Variants in PRSS56 observed in about 807,000 individuals in gnomAD.
The protein encoded by PRSS56 is serine protease 56, also known as protease, serine 56.
Under a neutral mutation model 66.8 loss-of-function variants are expected in PRSS56, and 55 were observed. The ratio of observed to expected loss-of-function variants is 0.82; its 90% CI spans 0.66 to 1.03. The LOEUF (loss-of-function observed/expected upper bound fraction) is 1.03, where lower values mean the gene tolerates loss of function less well. PRSS56 is among the 50% of genes least tolerant of loss of function. The pLI is 0.00. For synonymous variants in PRSS56, 409 were observed against 387.9 expected (o/e 1.05, Z -0.64); for missense variants, 869 against 837.2 (o/e 1.04, Z -0.47).
intron 11 of PRSS56, 101 bp downstream of exon 11, chr2:232,524,470 G>A: frequency 1.7e-6 from 2 of 1,163,226 alleles, no homozygotes; most frequent in Non-Finnish European, 2.4e-6. Context: ...TTACCCCATG[G>A]GGCAACAGGG....
rs772702916 is a variant in PRSS56, at chr2:232,521,879, A to C, written c.256+13A>C. On this transcript the variant is annotated intron_variant, in intron 3 of 12. Coordinates refer to ENST00000617714, the MANE Select transcript of PRSS56 (RefSeq NM_001195129.2). Reference sequence around the variant, plus strand: ...CCACCTGAGCCAGGTGAGGTTGAAAAGGCTCGAGGGGGCAGGCCTGAGAGC... The same window carrying C: ...CCACCTGAGCCAGGTGAGGTTGAAACGGCTCGAGGGGGCAGGCCTGAGAGC... 10 of 1,535,056 alleles carry C rather than the reference A, an allele frequency of 6.5e-6. No individual in the cohort carries two copies. In the African/African-American group the frequency reaches 1.4e-4, roughly 21 times the overall value.
intron 2 of PRSS56, 118 bp downstream of exon 2, chr2:232,521,546 G>A (rs1341482236): frequency 1.1e-6 from 1 of 896,138 alleles, no homozygotes; most frequent in South Asian, 1.5e-5. Context: ...ACTGTGTTGG[G>A]CCGCAACCTA....
At position 232,525,584 on chromosome 2, in the gene PRSS56, A is replaced by C; in HGVS notation, c.*78A>C. On this transcript the variant is annotated 3_prime_UTR_variant, in exon 13 of 13. Coordinates refer to ENST00000617714, the MANE Select transcript of PRSS56 (RefSeq NM_001195129.2). ...AGAGGGGTTCGGGAGCATAATGACA[A>C]ACTGTCGCTGCCCCAGTGGCTGGGT... The C allele has an allele frequency of 1.9e-6, 2 of 1,044,492 alleles. No individual in the cohort carries two copies. The highest frequency in any genetic ancestry group is 2.5e-6 in the Non-Finnish European group (2 of 799,528). The allele number at this position is 1,044,492 out of a possible 1,614,324, so 64.7% of individuals were successfully genotyped here.
rs1691252797 is a variant in PRSS56, at chr2:232,520,433, G to A, written c.-166G>A. 2 of 658,522 alleles carry A rather than the reference G, an allele frequency of 3.0e-6. No homozygotes were observed. Among genetic ancestry groups the A allele is most frequent in the Middle Eastern group, 7.1e-4 (2 of 2,832 alleles). 40.8% of individuals were successfully genotyped at this position (658,522 alleles called of 1,614,324 possible). ...CCAGGTGAGGGCTGACCAGGGAGGC[G>A]GGTAATTTTGATGTAAGAGAACGGG... On this transcript the variant is annotated 5_prime_UTR_variant, in exon 1 of 13. Transcript: ENST00000617714.
chr2:232,524,298 C>A lies in PRSS56; in HGVS notation c.1352-9C>A, dbSNP rs954747287. 1.8e-5 allele frequency: 27 copies of A among 1,535,748 alleles called. No homozygotes were observed. The highest frequency in any genetic ancestry group is 2.3e-5 in the Non-Finnish European group (26 of 1,146,820). ...GCCGAGGCGGTACCCTAACCCTGTG[C>A]CTCCCCAGGATCGCGGGCTGCAGGC... is the stretch of plus-strand genomic sequence containing the variant. On this transcript the variant is annotated splice_polypyrimidine_tract_variant and intron_variant, in intron 10 of 12. Transcript: ENST00000617714.
chr2:232,520,970 C>T (rs767710320), intron 1 of PRSS56, among the ~76,000 whole-genome samples: 7 of 152,232 alleles, frequency 4.6e-5, no homozygotes. Context: ...GCACCCTGCC[C>T]TTGGCTGTCC....
Position 232,525,271 on chromosome 2 carries a change from G to C in PRSS56, c.1577G>C (p.Arg526Pro). Residue 526 changes from arginine to proline, a missense_variant, in exon 13 of 13, where the codon CGG (arginine) becomes CCG (proline). Transcript: ENST00000617714. ...ACCGGGCTTTTCAGAGCCTGGGTGC[G>C]GGCAGGCTTGGGGGGCCGGCATGTG... The part of the protein sequence containing the change: ...TLTGLFRAWV[R>P]AGLGGRHVAF... The C allele has an allele frequency of 6.6e-7, 1 of 1,519,324 alleles. No individual in the cohort carries two copies. The allele number at this position is 1,519,324 out of a possible 1,614,324, so 94.1% of individuals were successfully genotyped here. A position where few individuals can be genotyped will look rare whatever the true frequency, so the allele number is the denominator to read the frequency against.
In PRSS56 at chr2:232,523,159, T is replaced by C. The variant is rs1256989689; in HGVS notation, c.806T>C (p.Met269Thr). The C allele has an allele frequency of 1.3e-6, 2 of 1,508,300 alleles. No homozygotes were observed. Among genetic ancestry groups the C allele is most frequent in the South Asian group, 1.2e-5 (1 of 80,782 alleles). 93.4% of individuals were successfully genotyped at this position (1,508,300 alleles called of 1,614,324 possible). ...GGGCCCGGGCTGCGCCCCAGCACCA[T>C]GCTCTGCGCCGGGTACCTGGCGGGG... Reference protein sequence around the residue: ...ALGPGLRPSTMLCAGYLAGGV... With the variant: ...ALGPGLRPSTTLCAGYLAGGV... The change falls in exon 7 of 13, where the codon ATG becomes ACG. Residue 269 changes from methionine (M) to threonine (T), a missense_variant. Met to Thr is a moderately conservative substitution (Grantham distance 81). Transcript: ENST00000617714.
Position 232,522,013 on chromosome 2 carries a change from G to T in PRSS56, c.299G>T (p.Arg100Leu), listed in dbSNP as rs1429170675. The stretch of plus-strand genomic sequence containing the variant: ...CGTCCGAGCACTGCCAATGTGACGC[G>T]GGCCCACGGCCGCATCGTGGGGGGC... ...ERRPSTANVTRAHGRIVGGSA... is the reference protein window; with the variant it reads ...ERRPSTANVTLAHGRIVGGSA... Residue 100 changes from arginine to leucine, a missense_variant, in exon 4 of 13, where the codon CGG (arginine) becomes CTG (leucine). Transcript: ENST00000617714. 6.9e-7 allele frequency: 1 copy of T among 1,454,358 alleles called. No homozygotes were observed. The highest frequency in any genetic ancestry group is 1.4e-5 in the South Asian group (1 of 70,860). 90.1% of individuals were successfully genotyped at this position (1,454,358 alleles called of 1,614,324 possible).
In PRSS56 at chr2:232,521,488, T is replaced by G. The variant is rs917843834; in HGVS notation, c.205+60T>G. The G allele has an allele frequency of 2.1e-5, 28 of 1,326,114 alleles. No homozygotes were observed. The African/African-American group carries it at 2.6e-4, about 12-fold the overall frequency. 82.1% of individuals were successfully genotyped at this position (1,326,114 alleles called of 1,614,324 possible). ...GCTGCCTACCCTGGGCCCATTCTGCTGCCTCTGTCCCTTCCCTTCAGTCTT... is the reference window on the plus strand; with the variant it reads ...GCTGCCTACCCTGGGCCCATTCTGCGGCCTCTGTCCCTTCCCTTCAGTCTT... On this transcript the variant is annotated intron_variant, in intron 2 of 12. Transcript: ENST00000617714.
intron 11 of PRSS56, 128 bp downstream of exon 11, chr2:232,524,497 T>C (rs1042918104): frequency 1.1e-6 from 1 of 903,546 alleles, no homozygotes. Flanking sequence ...CGTTCTCCCC[T>C]CCCCGCCATA....
In PRSS56 at chr2:232,524,112, A is replaced by C. The variant is rs759863327; in HGVS notation, c.1260A>C (p.Gly420=). Reference sequence around the variant, plus strand: ...AGGAGCTGCTCGGGCCTCGTCCGGGACTGCGGCGCCTGGCCCCCGCCCTGG... The same window carrying C: ...AGGAGCTGCTCGGGCCTCGTCCGGGCCTGCGGCGCCTGGCCCCCGCCCTGG... The part of the protein sequence containing the change: ...NAQELLGPRP[G]LRRLAPALAL... The change falls in exon 10 of 13, where the codon GGA becomes GGC. Residue 420 remains glycine (G), a synonymous_variant. Transcript: ENST00000617714. 13 of 1,514,646 alleles carry C rather than the reference A, an allele frequency of 8.6e-6. No homozygotes were observed. The highest frequency in any genetic ancestry group is 1.1e-5 in the Non-Finnish European group (13 of 1,138,300). The allele number at this position is 1,514,646 out of a possible 1,614,324, so 93.8% of individuals were successfully genotyped here.
Position 232,521,809 on chromosome 2 carries a change from T to C in PRSS56, c.206-7T>C. 4 of 1,535,928 alleles carry C rather than the reference T, an allele frequency of 2.6e-6. No individual in the cohort carries two copies. Among genetic ancestry groups the C allele is most frequent in the Non-Finnish European group, 2.6e-6 (3 of 1,146,796 alleles). ...GCAGTGAGACTCAAAGGTCTGTTTC[T>C]CTGCAGGATCTGGGCGCCCCAGGCC... On this transcript the variant is annotated splice_region_variant and splice_polypyrimidine_tract_variant and intron_variant, in intron 2 of 12. Coordinates refer to ENST00000617714, the MANE Select transcript of PRSS56 (RefSeq NM_001195129.2).
chr2:232,521,032 G>C (rs1225829169), intron 1 of PRSS56, among the ~76,000 whole-genome samples: 1 of 152,230 alleles, frequency 6.6e-6, no homozygotes, highest in African/African-American at 2.4e-5. Flanking sequence ...ATAAAGCTGA[G>C]TTCTGCGATG....
At position 232,520,402 on chromosome 2, in the gene PRSS56, T is replaced by G; in HGVS notation, c.-197T>G. The G allele has an allele frequency of 1.6e-6, 1 of 622,776 alleles. No homozygotes were observed. The highest frequency in any genetic ancestry group is 2.9e-6 in the Non-Finnish European group (1 of 342,992). 38.6% of individuals were successfully genotyped at this position (622,776 alleles called of 1,614,324 possible). On this transcript the variant is annotated 5_prime_UTR_variant, in exon 1 of 13. Coordinates refer to ENST00000617714, the MANE Select transcript of PRSS56 (RefSeq NM_001195129.2). Reference sequence around the variant, plus strand: ...CATTCCCCTGTGGGCTCCTAGGAGTTAAGGGCCAGGTGAGGGCTGACCAGG... The same window carrying G: ...CATTCCCCTGTGGGCTCCTAGGAGTGAAGGGCCAGGTGAGGGCTGACCAGG...
chr2:232,522,878 A>G lies in PRSS56; in HGVS notation c.706+17A>G. ...TCTTCGAAGGTACTGGGCGTGGGTG[A>G]GCCGGCGCGTGGTGGGAAGAACTGG... On this transcript the variant is annotated intron_variant, in intron 6 of 12. Coordinates refer to ENST00000617714, the MANE Select transcript of PRSS56 (RefSeq NM_001195129.2). 6.9e-7 allele frequency: 1 copy of G among 1,447,958 alleles called. No individual in the cohort carries two copies. The highest frequency in any genetic ancestry group is 9.1e-7 in the Non-Finnish European group (1 of 1,101,844). The allele number at this position is 1,447,958 out of a possible 1,614,324, so 89.7% of individuals were successfully genotyped here. A position where few individuals can be genotyped will look rare whatever the true frequency, so the allele number is the denominator to read the frequency against.
chr2:232,523,161 C>T lies in PRSS56; in HGVS notation c.808C>T (p.Leu270Phe). 6.6e-7 allele frequency: 1 copy of T among 1,506,944 alleles called. No individual in the cohort carries two copies. The highest frequency in any genetic ancestry group is 1.7e-4 in the Middle Eastern group (1 of 5,856). The allele number at this position is 1,506,944 out of a possible 1,614,324, so 93.3% of individuals were successfully genotyped here. A position where few individuals can be genotyped will look rare whatever the true frequency, so the allele number is the denominator to read the frequency against. Reference protein sequence around the residue: ...LGPGLRPSTMLCAGYLAGGVD... With the variant: ...LGPGLRPSTMFCAGYLAGGVD... ...GCCCGGGCTGCGCCCCAGCACCATG[C>T]TCTGCGCCGGGTACCTGGCGGGGGG... Residue 270 changes from leucine (L) to phenylalanine (F), a missense_variant, in exon 7 of 13, where the codon CTC (leucine) becomes TTC (phenylalanine). Physicochemically the swap from Leu to Phe is conservative, Grantham distance 22. Transcript: ENST00000617714.
At chr2:232,522,398 C>T (rs1222375059) in intron 4 of PRSS56, 117 bp from the exon 5 acceptor site, 17 of 1,002,930 alleles carry the variant, frequency 1.7e-5, no homozygotes, top group Non-Finnish European at 2.2e-5. Context: ...CCCCGGCCCG[C>T]CCTCCGTGCC....
chr2:232,522,933 C>G, intron 6 of PRSS56, 72 bp downstream of exon 6: 5 of 1,413,690 alleles, frequency 3.5e-6, no homozygotes, highest in Non-Finnish European at 3.7e-6. Context: ...GTAGGGAGGC[C>G]GGGTTGCCTT....
Sources: gnomAD v4.1 joint callset for allele counts (sites outside exome capture counted in the v4.1 genomes callset) on GRCh38, gnomAD v4.1.1 for gene constraint, MANE v1.5 for transcripts, NCBI Gene and HGNC (gene_info 2026-07-23, HGNC 2026-07-21) for gene names.